The following C19orf47 variants were observed in gnomAD, a reference collection of about 807,000 sequenced individuals.
The protein encoded by C19orf47 is uncharacterized protein C19orf47.
Under a neutral mutation model 32.3 loss-of-function variants are expected in C19orf47, and 18 were observed. The observed-to-expected ratio is 0.56, with a 90% CI of 0.39 to 0.83. The LOEUF is 0.83. C19orf47 is among the 40% of genes least tolerant of loss of function. C19orf47 has a pLI of 0.00. For synonymous variants in C19orf47, 202 were observed against 211.1 expected (o/e 0.96, Z 0.37); for missense variants, 484 against 531.6 (o/e 0.91, Z 0.88).
At chr19:40,332,261 G>T (rs977643471) in intron 5 of C19orf47, among the ~76,000 whole-genome samples, 1 of 152,054 alleles carries the variant, frequency 6.6e-6, no homozygotes, top group Non-Finnish European at 1.5e-5. Context: ...GGGTGACTGA[G>T]GCACAAGAAT....
At chr19:40,346,467 AAATAAAT>A (rs2078283935) in intron 1 of C19orf47, among the ~76,000 whole-genome samples, 1 of 146,058 alleles carries the variant, frequency 6.8e-6, no homozygotes, top group African/African-American at 2.5e-5. Flanking sequence ...ATAAATAAAT[AAATAAAT>A]AAATAAATAA....
intron 1 of C19orf47, among the ~76,000 whole-genome samples, chr19:40,344,273 G>A (rs1338222529): frequency 1.3e-5 from 2 of 151,128 alleles, no homozygotes; most frequent in Admixed American, 6.6e-5. Flanking sequence ...GAGGTCAGGA[G>A]TTTGAGACCA....
chr19:40,342,310 A>T (rs1200897404), intron 1 of C19orf47: 4 of 176,852 alleles, frequency 2.3e-5, no homozygotes, highest in Non-Finnish European at 4.8e-5. Context: ...ACATAGCAAG[A>T]CCCTGTCTCA....
the C19orf47 span, among the ~76,000 whole-genome samples, chr19:40,310,570 G>A: frequency 1.3e-5 from 2 of 152,210 alleles, no homozygotes; most frequent in African/African-American, 2.4e-5. Flanking sequence ...GTGAGCCACC[G>A]CACCCAGCCG....
Position 40,321,142 on chromosome 19 carries a change from C to T in C19orf47, c.*740G>A. The stretch of plus-strand genomic sequence containing the variant: ...GCCTCCCTTCCCAGTGCCCCTTGCC[C>T]ACCACCCGCCATACACTTTCAGAGA... On this transcript the variant is annotated 3_prime_UTR_variant, in exon 9 of 9. Transcript: ENST00000683109. 1 of 799,806 alleles carries T rather than the reference C, an allele frequency of 1.3e-6. No homozygotes were observed. The highest frequency in any genetic ancestry group is 1.5e-6 in the Non-Finnish European group (1 of 659,092). The allele number at this position is 799,806 out of a possible 1,614,324, so 49.5% of individuals were successfully genotyped here. A position where few individuals can be genotyped will look rare whatever the true frequency, so the allele number is the denominator to read the frequency against.
downstream of C19orf47, among the ~76,000 whole-genome samples, chr19:40,318,029 T>C (rs77717660): frequency 4.1e-3 from 618 of 152,172 alleles, 6 homozygotes; most frequent in African/African-American, 0.014. Context: ...CCAAAATCAC[T>C]GTCTTAAGAC....
chr19:40,329,781 T>C (rs1423568569), intron 5 of C19orf47, among the ~76,000 whole-genome samples: 3 of 152,128 alleles, frequency 2.0e-5, no homozygotes, highest in Non-Finnish European at 4.4e-5. Context: ...GGCTGCAAAC[T>C]CTCTGGCTAT....
At chr19:40,301,677 T>G in the C19orf47 span, among the ~76,000 whole-genome samples, 2 of 151,300 alleles carry the variant, frequency 1.3e-5, no homozygotes, top group South Asian at 4.2e-4. Flanking sequence ...GAAACCCATC[T>G]CTACTGAAAA....
chr19:40,343,103 A>G (rs1015610423), intron 1 of C19orf47, among the ~76,000 whole-genome samples: 1 of 152,124 alleles, frequency 6.6e-6, no homozygotes, highest in African/African-American at 2.4e-5. Flanking sequence ...TGGGGCCCAC[A>G]CTGCCCTGGC....
chr19:40,337,137 G>C (rs1046022117), intron 2 of C19orf47, among the ~76,000 whole-genome samples: 5 of 152,178 alleles, frequency 3.3e-5, no homozygotes, highest in Admixed American at 2.6e-4. Flanking sequence ...ATACCACAAG[G>C]CACAAGATGA....
the C19orf47 span, among the ~76,000 whole-genome samples, chr19:40,307,546 AT>A: frequency 1.3e-5 from 2 of 151,948 alleles, no homozygotes; most frequent in Non-Finnish European, 2.9e-5. Context: ...TACCTGGCTA[AT>A]TTTTGTATTT....
At chr19:40,308,540 T>G in the C19orf47 span, among the ~76,000 whole-genome samples, 1 of 142,258 alleles carries the variant, frequency 7.0e-6, no homozygotes, top group Non-Finnish European at 1.5e-5. Flanking sequence ...CTTGGCTCAC[T>G]GCAACCTCCA....
the C19orf47 span, among the ~76,000 whole-genome samples, chr19:40,311,828 T>C: frequency 6.6e-6 from 1 of 152,110 alleles, no homozygotes; most frequent in Non-Finnish European, 1.5e-5. Context: ...GCTACATTTT[T>C]GTATTTTTAG....
At chr19:40,335,624 T>G (rs2078047697) in intron 4 of C19orf47, among the ~76,000 whole-genome samples, 1 of 151,882 alleles carries the variant, frequency 6.6e-6, no homozygotes, top group Non-Finnish European at 1.5e-5. Context: ...TTTTTTTTTT[T>G]TTCTTGAGAG....
At chr19:40,295,995 C>A in the C19orf47 span, among the ~76,000 whole-genome samples, 1 of 152,142 alleles carries the variant, frequency 6.6e-6, no homozygotes, top group Admixed American at 6.6e-5. Flanking sequence ...ATCCTCCTGC[C>A]CTGGCCTCCC....
chr19:40,303,803 GAAAAAAAAA>G, the C19orf47 span, among the ~76,000 whole-genome samples: 344 of 45,344 alleles, frequency 7.6e-3, 2 homozygotes, highest in Admixed American at 0.01. Flanking sequence ...GACTTTGTCT[GAAAAAAAAA>G]AAAAAAAAAA....
the C19orf47 span, among the ~76,000 whole-genome samples, chr19:40,293,141 AT>A: frequency 7.1e-3 from 1,027 of 143,984 alleles, 11 homozygotes; most frequent in African/African-American, 0.021. Flanking sequence ...TAAGTATGTA[AT>A]TTTTTTTTTT....
At chr19:40,347,626 G>GA (rs1442072687) in intron 1 of C19orf47, among the ~76,000 whole-genome samples, 1 of 152,008 alleles carries the variant, frequency 6.6e-6, no homozygotes, top group South Asian at 2.1e-4. Flanking sequence ...TCAAGAAAAA[G>GA]AAAAAAACTA....
intron 3 of C19orf47, 40 bp downstream of exon 3, chr19:40,336,280 C>A: frequency 6.2e-7 from 1 of 1,613,206 alleles, no homozygotes; most frequent in South Asian, 1.1e-5. Context: ...GTGGGCCAGC[C>A]AGCTCCCCAC....
Sources: gnomAD v4.1 joint callset for allele counts (sites outside exome capture counted in the v4.1 genomes callset) on GRCh38, gnomAD v4.1.1 for gene constraint, MANE v1.5 for transcripts, NCBI Gene and HGNC (gene_info 2026-07-23, HGNC 2026-07-21) for gene names.